Variants in CAMKK2 observed in about 807,000 individuals in gnomAD.
CAMKK2 encodes the protein calcium/calmodulin dependent protein kinase kinase 2.
Under a neutral mutation model 67.2 loss-of-function variants are expected in CAMKK2, and 30 were observed. The observed-to-expected ratio is 0.45, with a 90% CI of 0.33 to 0.61. The LOEUF (loss-of-function observed/expected upper bound fraction) is 0.61. CAMKK2 is among the 20% of genes least tolerant of loss of function. The pLI, the probability that CAMKK2 is intolerant of heterozygous loss-of-function variation, is 0.02. For missense variants in CAMKK2, 643 were observed against 802.0 expected (o/e 0.80, Z 2.39); for synonymous variants, 322 against 326.2 (o/e 0.99, Z 0.14).
chr12:121,240,508 G>A lies in CAMKK2; in HGVS notation c.*191C>T, dbSNP rs188731936. ...CAGCCAGCCAGCGGCCACGGTCGAC[G>A]TCATGGAGTCAAGTCCTTTTTTTTT... On this transcript the variant is annotated 3_prime_UTR_variant, in exon 17 of 17. Coordinates refer to ENST00000404169, the MANE Select transcript of CAMKK2 (RefSeq NM_001270485.2). This position sits in a 1 kb window ranked among gnomAD's most constrained non-coding sequence, Gnocchi z 4.4. 5.4e-5 allele frequency: 83 copies of A among 1,533,464 alleles called. 3 individuals carry two copies. The Middle Eastern group carries it at 1.2e-3, about 22-fold the overall frequency. 95.0% of individuals were successfully genotyped at this position (1,533,464 alleles called of 1,614,324 possible).
intron 1 of CAMKK2, among the ~76,000 whole-genome samples, chr12:121,281,201 G>A (rs1389330917): frequency 6.6e-6 from 1 of 152,230 alleles, no homozygotes; most frequent in African/African-American, 2.4e-5. Context: ...CAGGTCCCCC[G>A]CTAGACGCGG....
At position 121,274,128 on chromosome 12, in the gene CAMKK2, G is replaced by A. The variant is rs891779; in HGVS notation, c.399C>T (p.Ser133=). Residue 133 remains serine (S), a synonymous_variant, in exon 2 of 17, where the codon TCC becomes TCT. Transcript: ENST00000404169. ...CPSLPYSPVS[S]PQSSPRLPRR... ...GGGGCAGCCGAGGCGAGGACTGCGG[G>A]GAGCTGACGGGTGAGTAGGGCAGGG... is the stretch of plus-strand genomic sequence containing the variant. 3.2e-3 allele frequency: 4,996 copies of A among 1,574,724 alleles called. 141 individuals carry two copies. In the African/African-American group the frequency reaches 0.059, roughly 19 times the overall value.
At position 121,285,661 on chromosome 12, in the gene CAMKK2, A is replaced by AC. The variant is rs1459381134; in HGVS notation, c.-60+10976dup. Among the ~76,000 whole-genome samples the AC allele has an allele frequency of 6.6e-6, 1 of 151,964 alleles. No individual in the cohort carries two copies. Among genetic ancestry groups the AC allele is most frequent in the Non-Finnish European group, 1.5e-5 (1 of 67,990 alleles). ...TCATCGCTACAAAAATACAAAAAAA[A>AC]CCTAGCTGGGCATGGTGGCGTACAC... On this transcript the variant is annotated intron_variant, in intron 1 of 16. Transcript: ENST00000404169. The surrounding 1 kb of genome is among the most constrained non-coding windows in gnomAD (Gnocchi z 4.1).
chr12:121,291,601 G>T (rs1475332749), intron 1 of CAMKK2, among the ~76,000 whole-genome samples: 1 of 152,188 alleles, frequency 6.6e-6, no homozygotes, highest in Non-Finnish European at 1.5e-5. Context: ...GTAGGCTGGT[G>T]GTTGCCAGGG....
At chr12:121,243,782 C>T in intron 16 of CAMKK2, 1 of 916,022 alleles carries the variant, frequency 1.1e-6, no homozygotes, top group Non-Finnish European at 1.4e-6. Context: ...GAATCATACA[C>T]TTCCCGTGGG....
intron 2 of CAMKK2, among the ~76,000 whole-genome samples, chr12:121,271,918 C>G (rs551716793): frequency 1.3e-5 from 2 of 152,298 alleles, no homozygotes; most frequent in East Asian, 1.9e-4. Flanking sequence ...CCATGTTGGC[C>G]AGGCTGGTCT....
chr12:121,274,546 T>C lies in CAMKK2; in HGVS notation c.-20A>G, dbSNP rs1896453843. ...TGACATGGTGCATGCGCCAGCTTCATCCAGCACACTGGGGCACTCCCATCC... is the reference window on the plus strand; with the variant it reads ...TGACATGGTGCATGCGCCAGCTTCACCCAGCACACTGGGGCACTCCCATCC... On this transcript the variant is annotated 5_prime_UTR_variant, in exon 2 of 17. It removes an upstream start codon present in the reference 5' UTR. Transcript: ENST00000404169. 1.3e-6 allele frequency: 2 copies of C among 1,564,250 alleles called. No individual in the cohort carries two copies. The highest frequency in any genetic ancestry group is 8.7e-7 in the Non-Finnish European group (1 of 1,148,672).
rs1358308493 is a variant in CAMKK2, at chr12:121,253,411, A to T, written c.969T>A (p.Asp323Glu). ...IKPSNLLVGE[D>E]GHIKIADFGV... ...CAAAGTCAGCGATCTTGATGTGCCC[A>T]TCTTCTCCGACCAGGAGGTTGGAAG... The change falls in exon 10 of 17, where the codon GAT becomes GAA. Residue 323 changes from aspartate to glutamate, a missense_variant. Asp to Glu is a conservative substitution (Grantham distance 45). This residue lies in a region of CAMKK2 where 483 missense variants were observed against 625.8 expected (regional missense o/e 0.77). Transcript: ENST00000404169. The surrounding 1 kb of genome is among the most constrained non-coding windows in gnomAD (Gnocchi z 5.0). 1 of 1,614,100 alleles carries T rather than the reference A, an allele frequency of 6.2e-7. No homozygotes were observed. The highest frequency in any genetic ancestry group is 1.7e-5 in the Admixed American group (1 of 60,016).
chr12:121,248,232 A>C (rs1889896640), intron 14 of CAMKK2, among the ~76,000 whole-genome samples: 1 of 152,172 alleles, frequency 6.6e-6, no homozygotes, highest in East Asian at 1.9e-4. Flanking sequence ...CAGACGTGAG[A>C]TATGCTACGC....
At chr12:121,270,815 TC>T in intron 3 of CAMKK2, 82 bp downstream of exon 3, 1 of 1,098,594 alleles carries the variant, frequency 9.1e-7, no homozygotes, top group Non-Finnish European at 1.4e-6. Context: ...CCTCTCCTGC[TC>T]CCAGCTTTAC....
intron 11 of CAMKK2, among the ~76,000 whole-genome samples, chr12:121,250,358 GAAC>G: frequency 6.6e-6 from 1 of 152,296 alleles, no homozygotes; most frequent in East Asian, 1.9e-4. Flanking sequence ...CTTGCCAGGT[GAAC>G]AACAGGAACA....
In CAMKK2 at chr12:121,240,766, G is replaced by T; in HGVS notation, c.1700C>A (p.Ala567Asp). Reference sequence around the variant, plus strand: ...GCGTGCGGGGGAGCCGGGGGCGGGGGCCCAGCAACTTTCCACGCAGGGACT... The same window carrying T: ...GCGTGCGGGGGAGCCGGGGGCGGGGTCCCAGCAACTTTCCACGCAGGGACT... The part of the protein sequence containing the change: ...RGSPCVESCW[A>D]PAPGSPARMH... Residue 567 changes from alanine to aspartate, a missense_variant, in exon 17 of 17, where the codon GCC becomes GAC. Around this residue, in one of 3 missense-constraint regions of CAMKK2, gnomAD observed 140 missense variants for 124.2 expected, o/e 1.13. Coordinates refer to ENST00000404169, the MANE Select transcript of CAMKK2 (RefSeq NM_001270485.2). This position sits in a 1 kb window ranked among gnomAD's most constrained non-coding sequence, Gnocchi z 4.4. The T allele has an allele frequency of 6.2e-7, 1 of 1,608,716 alleles. No individual in the cohort carries two copies. Among genetic ancestry groups the T allele is most frequent in the Non-Finnish European group, 8.5e-7 (1 of 1,178,778 alleles).
intron 15 of CAMKK2, 111 bp from the exon 16 acceptor site, chr12:121,244,726 A>C: frequency 2.3e-6 from 2 of 866,446 alleles, no homozygotes; most frequent in Admixed American, 5.2e-5. Context: ...AGCTTCATAG[A>C]GCTGGAGCCA....
chr12:121,246,840 C>G (rs1889584343), intron 14 of CAMKK2, among the ~76,000 whole-genome samples: 1 of 150,268 alleles, frequency 6.7e-6, no homozygotes, highest in Non-Finnish European at 1.5e-5. Flanking sequence ...CAGCCCCCTA[C>G]CCCTGAGAGC....
In CAMKK2 at chr12:121,253,535, C is replaced by T. The variant is rs1336005782; in HGVS notation, c.908-63G>A. 6.6e-6 allele frequency: 9 copies of T among 1,371,402 alleles called. No homozygotes were observed. Among genetic ancestry groups the T allele is most frequent in the African/African-American group, 2.8e-5 (2 of 70,182 alleles). The allele number at this position is 1,371,402 out of a possible 1,614,324, so 85.0% of individuals were successfully genotyped here. A position where few individuals can be genotyped will look rare whatever the true frequency, so the allele number is the denominator to read the frequency against. ...GGAAAACCTCGTGAGCACCTCTATG[C>T]GGCCACATGGCCTGGAGACACAGGC... On this transcript the variant is annotated intron_variant, in intron 9 of 16. Coordinates refer to ENST00000404169, the MANE Select transcript of CAMKK2 (RefSeq NM_001270485.2). The surrounding 1 kb of genome is among the most constrained non-coding windows in gnomAD (Gnocchi z 5.0).
chr12:121,290,817 T>C lies in CAMKK2; in HGVS notation c.-60+5821A>G, dbSNP rs1899850866. Among the ~76,000 whole-genome samples, 5 of 152,260 alleles carry C rather than the reference T, an allele frequency of 3.3e-5. No homozygotes were observed. In the South Asian group the frequency reaches 1.0e-3, roughly 32 times the overall value. ...CAATGGGTTTGTTTTGTTGTTATTG[T>C]TTTGTGGTTTTTTCTTTTTGACACG... On this transcript the variant is annotated intron_variant, in intron 1 of 16. Transcript: ENST00000404169.
At chr12:121,264,131 G>A (rs926870348) in intron 5 of CAMKK2, among the ~76,000 whole-genome samples, 192 bp from the exon 6 acceptor site, 12 of 152,214 alleles carry the variant, frequency 7.9e-5, no homozygotes, top group East Asian at 7.7e-4. Flanking sequence ...GAGTGAGGGC[G>A]GAGCCCTCGG....
chr12:121,279,195 C>T (rs543369580), intron 1 of CAMKK2, among the ~76,000 whole-genome samples: 27 of 152,362 alleles, frequency 1.8e-4, no homozygotes, highest in African/African-American at 6.0e-4. Flanking sequence ...ACAGCTCTGA[C>T]GGAGTCTCGG....
chr12:121,280,721 C>T (rs1371636854), intron 1 of CAMKK2, among the ~76,000 whole-genome samples: 3 of 152,138 alleles, frequency 2.0e-5, no homozygotes, highest in Admixed American at 6.5e-5. Flanking sequence ...GAGATAGACT[C>T]CAGTCTCCCA....
Sources: gnomAD v4.1 joint callset for allele counts (sites outside exome capture counted in the v4.1 genomes callset) on GRCh38, gnomAD v4.1.1 for gene constraint, gnomAD v4.1.1 regional missense constraint, Gnocchi (gnomAD v3.1) non-coding constraint, MANE v1.5 for transcripts, NCBI Gene and HGNC (gene_info 2026-07-23, HGNC 2026-07-21) for gene names.